KCNN1: variants seen among roughly 807,000 people sequenced by gnomAD.
KCNN1 encodes the protein small conductance calcium-activated potassium channel protein 1.
A neutral mutation model predicts 44.7 loss-of-function variants in KCNN1; 20 were observed. The ratio of observed to expected loss-of-function variants is 0.45; its 90% CI spans 0.32 to 0.65. KCNN1 has a LOEUF of 0.65. Ranked by LOEUF, KCNN1 falls within the 30% of genes least tolerant of loss-of-function variation. The pLI is 0.05. For synonymous variants in KCNN1, 324 were observed against 341.7 expected, an observed-to-expected ratio of 0.95 and a Z score of 0.57; for missense variants, 632 against 785.3, an observed-to-expected ratio of 0.80 and a Z score of 2.33.
chr19:17,960,965 C>T (rs996502352), intron 2 of KCNN1, among the ~76,000 whole-genome samples: 3 of 151,990 alleles, frequency 2.0e-5, no homozygotes, highest in South Asian at 2.1e-4. Context: ...GCAGGTAGAT[C>T]ACTTGAGGCC....
chr19:17,991,769 G>A (rs184065467), intron 7 of KCNN1, among the ~76,000 whole-genome samples: 26 of 152,264 alleles, frequency 1.7e-4, no homozygotes, highest in Middle Eastern at 3.4e-3. Context: ...AACTTTTTCT[G>A]TAAAGGGCCA....
chr19:17,990,374 C>T (rs1475231973), intron 7 of KCNN1, among the ~76,000 whole-genome samples: 1 of 150,798 alleles, frequency 6.6e-6, no homozygotes, highest in Non-Finnish European at 1.5e-5. Flanking sequence ...GTCCCAGATA[C>T]TCGGGAGGCT....
At chr19:17,966,382 C>T (rs2031810313), upstream of KCNN1, among the ~76,000 whole-genome samples, 1 of 152,200 alleles carries the variant, frequency 6.6e-6, no homozygotes, top group African/African-American at 2.4e-5. Context: ...CCCCAAAGCT[C>T]CCTGGAGCCG....
exon 1 of KCNN1, chr19:17,951,377 C>T (rs150712425): frequency 2.1e-4 from 32 of 152,406 alleles, no homozygotes; most frequent in African/African-American, 5.8e-4. Flanking sequence ...TCCGGCGGCC[C>T]TACGGACTCG....
At chr19:17,951,489 G>A (rs1471481426) in intron 1 of KCNN1, 4 of 152,252 alleles carry the variant, frequency 2.6e-5, no homozygotes, top group African/African-American at 9.7e-5. Flanking sequence ...GAAAGGGCTT[G>A]CCCCTGGACT....
Position 17,999,909 on chromosome 19 carries a change from C to T in KCNN1, c.*1503C>T, listed in dbSNP as rs894307151. ...AGGAGGTGCTGGTCAGACCCGGGTT[C>T]GAGTCCTGACTCTGCCACTGCTGGG... On this transcript the variant is annotated 3_prime_UTR_variant, in exon 10 of 10. Transcript: ENST00000684775. 3 of 453,746 alleles carry T rather than the reference C, an allele frequency of 6.6e-6. No homozygotes were observed. Among genetic ancestry groups the T allele is most frequent in the African/African-American group, 4.0e-5 (2 of 49,980 alleles). 28.1% of individuals were successfully genotyped at this position (453,746 alleles called of 1,614,324 possible).
At chr19:17,965,273 CA>C (rs35151160), upstream of KCNN1, among the ~76,000 whole-genome samples, 181 of 134,266 alleles carry the variant, frequency 1.3e-3, no homozygotes, top group Admixed American at 1.5e-3. Context: ...GACTCTGTCT[CA>C]AAAAAAAAAA....
chr19:17,974,104 T>C lies in KCNN1; in HGVS notation c.216T>C (p.Asp72=). The change falls in exon 2 of 10, where the codon GAT becomes GAC. Residue 72 remains aspartate (D), a synonymous_variant. Coordinates refer to ENST00000684775, the MANE Select transcript of KCNN1 (RefSeq NM_001386974.1). The surrounding 1 kb of genome is among the most constrained non-coding windows in gnomAD (Gnocchi z 7.3). ...AGGACCAGGACGATGACGAGGATGA[T>C]GAGGAAGATGAGGCCGGCAGGCAGA... ...QPQDQDDDED[D]EEDEAGRQRA... 6.2e-7 allele frequency: 1 copy of C among 1,612,166 alleles called. No homozygotes were observed. Among genetic ancestry groups the C allele is most frequent in the African/African-American group, 1.3e-5 (1 of 74,974 alleles).
chr19:17,969,397 C>G (rs1599352064), intron 1 of KCNN1, among the ~76,000 whole-genome samples: 1 of 152,208 alleles, frequency 6.6e-6, no homozygotes, highest in Admixed American at 6.5e-5. Flanking sequence ...ACCTTGCTCA[C>G]CGGTGGTGAT....
chr19:17,987,115 CTTT>C lies in KCNN1; in HGVS notation c.1060-1290_1060-1288del, dbSNP rs796678708. ...ACGCCACCACGCTGGCCCTTTTTTT[CTTT>C]TTTTTTTTTGAGATAGAGTCTCGCT... On this transcript the variant is annotated intron_variant, in intron 5 of 9. Transcript: ENST00000684775. 5.2e-4 allele frequency among the ~76,000 whole-genome samples: 74 copies of C among 141,782 alleles called. 1 individual carries two copies. In the East Asian group the frequency reaches 0.015, roughly 30 times the overall value. 93.0% of individuals were successfully genotyped at this position (141,782 alleles called of 152,430 possible). A position where few individuals can be genotyped will look rare whatever the true frequency, so the allele number is the denominator to read the frequency against.
At chr19:17,961,185 CA>C (rs202142379) in intron 2 of KCNN1, among the ~76,000 whole-genome samples, 33,548 of 91,366 alleles carry the variant, frequency 0.37, 4,275 homozygotes, top group East Asian at 0.5. Flanking sequence ...GACTCTGACT[CA>C]AAAAAAAAAA....
In KCNN1 at chr19:17,998,325, G is replaced by GCCCGGC. The variant is rs1378899410; in HGVS notation, c.1561_1566dup (p.Gly521_Pro522dup). 16 of 1,534,612 alleles carry GCCCGGC rather than the reference G, an allele frequency of 1.0e-5. No homozygotes were observed. Among genetic ancestry groups the GCCCGGC allele is most frequent in the Middle Eastern group, 2.3e-4 (1 of 4,394 alleles). On this transcript the variant is annotated inframe_insertion, in exon 10 of 10. Coordinates refer to ENST00000684775, the MANE Select transcript of KCNN1 (RefSeq NM_001386974.1). This position sits in a 1 kb window ranked among gnomAD's most constrained non-coding sequence, Gnocchi z 5.4. ...CACCCCCGCCTCCCCTGCCTCCCAG[G>GCCCGGC]CCCGGCCCCGGCCCCCAAGACCAGG...
rs777747075 is a variant in KCNN1, at chr19:17,998,284, G to A, written c.1510G>A (p.Ala504Thr). The A allele has an allele frequency of 9.7e-6, 15 of 1,552,180 alleles. No individual in the cohort carries two copies. The highest frequency in any genetic ancestry group is 1.9e-4 in the Middle Eastern group (1 of 5,282). The part of the protein sequence containing the change: ...ASLQALPGLI[A>T]QAIRPPPPPL... ...TCTACAGGCCCTGCCTGGCCTCATC[G>A]CCCAAGCCATACGCCCACCCCCGCC... Residue 504 changes from alanine (A) to threonine (T), a missense_variant, in exon 10 of 10, where the codon GCC (alanine) becomes ACC (threonine). Ala to Thr is a moderately conservative substitution (Grantham distance 58, BLOSUM62 0). Around this residue, in one of 3 missense-constraint regions of KCNN1, gnomAD observed 237 missense variants for 253.0 expected, o/e 0.94. Coordinates refer to ENST00000684775, the MANE Select transcript of KCNN1 (RefSeq NM_001386974.1). This position sits in a 1 kb window ranked among gnomAD's most constrained non-coding sequence, Gnocchi z 5.4.
chr19:17,970,792 G>A (rs190806147), intron 1 of KCNN1, among the ~76,000 whole-genome samples: 35 of 152,274 alleles, frequency 2.3e-4, no homozygotes, highest in Non-Finnish European at 4.4e-5. Flanking sequence ...GTGAGGGACA[G>A]ACACAGTGTG....
intron 3 of KCNN1, 91 bp from the exon 4 acceptor site, chr19:17,981,618 C>G: frequency 1.8e-6 from 2 of 1,127,240 alleles, no homozygotes; most frequent in South Asian, 3.4e-5. Flanking sequence ...TCAGGCCAGG[C>G]TGACGTCACT....
intron 3 of KCNN1, among the ~76,000 whole-genome samples, chr19:17,975,583 G>T (rs747434246): frequency 2.0e-5 from 3 of 151,972 alleles, no homozygotes; most frequent in Non-Finnish European, 4.4e-5. Context: ...ACCACACCTT[G>T]CTAATTTTTG....
upstream of KCNN1, among the ~76,000 whole-genome samples, chr19:17,964,641 C>T (rs2031755993): frequency 6.6e-6 from 1 of 152,196 alleles, no homozygotes; most frequent in African/African-American, 2.4e-5. This position sits in a 1 kb window ranked among gnomAD's most constrained non-coding sequence, Gnocchi z 4.3. Flanking sequence ...CCCAGACAGC[C>T]CCCACCAGAA....
intron 1 of KCNN1, among the ~76,000 whole-genome samples, chr19:17,972,336 CTA>C (rs1378263965): frequency 2.0e-5 from 3 of 152,164 alleles, no homozygotes; most frequent in African/African-American, 7.2e-5. Flanking sequence ...AGCATGATGA[CTA>C]TGTCACCATC....
In KCNN1 at chr19:17,962,005, C is replaced by T. The variant is rs527635131; in HGVS notation, c.-82+7324C>T. The stretch of plus-strand genomic sequence containing the variant: ...AAGACATTGGGGTTTGGAGTCAAAC[C>T]TTTGCTCCTCTATGGAGCTGCCACA... On this transcript the variant is annotated intron_variant, in intron 2 of 10. Coordinates refer to the KCNN1 transcript ENST00000222249. Among the ~76,000 whole-genome samples the T allele has an allele frequency of 6.6e-5, 10 of 152,310 alleles. No individual in the cohort carries two copies. In the South Asian group the frequency reaches 2.1e-3, roughly 32 times the overall value.
Sources: gnomAD v4.1 joint callset for allele counts (sites outside exome capture counted in the v4.1 genomes callset) on GRCh38, gnomAD v4.1.1 for gene constraint, gnomAD v4.1.1 regional missense constraint, Gnocchi (gnomAD v3.1) non-coding constraint, MANE v1.5 for transcripts, NCBI Gene and HGNC (gene_info 2026-07-23, HGNC 2026-07-21) for gene names.